Variants in GRM1 observed in about 807,000 individuals in gnomAD.
GRM1 encodes the protein glutamate metabotropic receptor 1.
GRM1 carries 33 observed loss-of-function variants against 90.9 expected under a neutral mutation model. The ratio of observed to expected loss-of-function variants is 0.36; its 90% CI spans 0.28 to 0.49. GRM1 has a LOEUF of 0.49. Among genes scored for constraint, GRM1 ranks in the 20% least tolerant of loss-of-function variants. GRM1 has a pLI of 0.99. For missense variants in GRM1, 1,190 were observed against 1,534.3 expected (o/e 0.78, Z 3.75); for synonymous variants, 700 against 613.2 (o/e 1.14, Z -2.09).
At chr6:146,071,481 G>A (rs994010605) in intron 1 of GRM1, among the ~76,000 whole-genome samples, 3 of 152,084 alleles carry the variant, frequency 2.0e-5, no homozygotes, top group Non-Finnish European at 4.4e-5. Flanking sequence ...CACTTACTTA[G>A]GCAGTTTTAC....
intron 2 of GRM1, among the ~76,000 whole-genome samples, chr6:146,227,995 G>A (rs1780308318): frequency 6.6e-6 from 1 of 152,080 alleles, no homozygotes; most frequent in South Asian, 2.1e-4. Context: ...GCGAGACCAC[G>A]ATTGAAACAC....
intron 2 of GRM1, among the ~76,000 whole-genome samples, chr6:146,186,029 A>C (rs1279419709): frequency 6.7e-6 from 1 of 150,132 alleles, no homozygotes; most frequent in Non-Finnish European, 1.5e-5. Context: ...GCTCACTACA[A>C]CCTACACTTC....
chr6:146,066,673 A>C (rs988314181), intron 1 of GRM1, among the ~76,000 whole-genome samples: 9 of 152,172 alleles, frequency 5.9e-5, no homozygotes, highest in African/African-American at 2.2e-4. Context: ...TTCCACCAAC[A>C]GTGTAAATGT....
At chr6:146,186,093 TG>T (rs973769508) in intron 2 of GRM1, among the ~76,000 whole-genome samples, 58 of 134,240 alleles carry the variant, frequency 4.3e-4, no homozygotes, top group African/African-American at 1.4e-3. Context: ...GAATTACAGC[TG>T]GTTTTTTTTT....
At chr6:146,340,037 G>A (rs1478801278) in intron 3 of GRM1, among the ~76,000 whole-genome samples, 8 of 152,270 alleles carry the variant, frequency 5.3e-5, no homozygotes, top group South Asian at 4.2e-4. Context: ...GACGTACCTG[G>A]TGACTATGAC....
At chr6:146,082,307 C>A (rs115136492) in intron 1 of GRM1, among the ~76,000 whole-genome samples, 1,879 of 152,204 alleles carry the variant, frequency 0.012, 39 homozygotes, top group African/African-American at 0.043. Context: ...AGGCACCCAC[C>A]ACCATGCTGA....
intron 6 of GRM1, among the ~76,000 whole-genome samples, chr6:146,393,863 C>G (rs569157947): frequency 1.4e-4 from 22 of 152,236 alleles, no homozygotes; most frequent in Non-Finnish European, 1.9e-4. Flanking sequence ...TGACTTCAAA[C>G]TATACTACAA....
chr6:146,030,189 G>A lies in GRM1; in HGVS notation c.672G>A (p.Trp224Ter). Residue 224 changes from tryptophan (W) to a stop codon, truncating the protein, a stop_gained, in exon 1 of 8, where the codon TGG (tryptophan) becomes TGA (stop). Coordinates refer to ENST00000282753, the MANE Select transcript of GRM1 (RefSeq NM_001278064.2). LOFTEE classifies it high-confidence loss of function. ...AMLDIVKRYN[W>*]TYVSAVHTEG... ...TTGACATAGTCAAACGTTACAATTG[G>A]ACCTATGTCTCTGCAGTCCACACGG... is the stretch of plus-strand genomic sequence containing the variant. The A allele has an allele frequency of 6.2e-7, 1 of 1,613,438 alleles. No individual in the cohort carries two copies. Among genetic ancestry groups the A allele is most frequent in the South Asian group, 1.1e-5 (1 of 91,046 alleles).
chr6:146,166,531 G>A (rs567615693), intron 2 of GRM1, among the ~76,000 whole-genome samples: 5 of 152,150 alleles, frequency 3.3e-5, no homozygotes, highest in African/African-American at 1.2e-4. Context: ...AATAGTAGTC[G>A]GAGTAGTAAA....
intron 1 of GRM1, among the ~76,000 whole-genome samples, chr6:146,124,571 A>G (rs1364295597): frequency 6.6e-6 from 1 of 152,180 alleles, no homozygotes; most frequent in African/African-American, 2.4e-5. Context: ...GGCAACAATT[A>G]TCTTCATGAT....
At chr6:146,088,063 T>C (rs1776603415) in intron 1 of GRM1, among the ~76,000 whole-genome samples, 1 of 152,146 alleles carries the variant, frequency 6.6e-6, no homozygotes, top group East Asian at 1.9e-4. Context: ...CCACTAGAAA[T>C]ATGAATGATA....
chr6:146,326,359 TGTTCTCACTCATAAGTGG>T (rs1460698401), intron 3 of GRM1, among the ~76,000 whole-genome samples: 1 of 152,156 alleles, frequency 6.6e-6, no homozygotes, highest in African/African-American at 2.4e-5. Context: ...AAATACCACA[TGTTCTCACTCATAAGTGG>T]GAGCTAAATG....
chr6:146,137,501 C>G (rs1213969803), intron 1 of GRM1, among the ~76,000 whole-genome samples: 1 of 152,274 alleles, frequency 6.6e-6, no homozygotes, highest in East Asian at 1.9e-4. Context: ...TCTGGATTCT[C>G]TATTCTGTTA....
chr6:146,355,059 T>C (rs1158471615), intron 4 of GRM1, among the ~76,000 whole-genome samples: 1 of 152,228 alleles, frequency 6.6e-6, no homozygotes, highest in Admixed American at 6.5e-5. Flanking sequence ...CTTTGGAAAC[T>C]GATTTAAAGG....
chr6:146,337,251 T>C (rs1015995613), intron 3 of GRM1, among the ~76,000 whole-genome samples: 1 of 152,184 alleles, frequency 6.6e-6, no homozygotes, highest in Non-Finnish European at 1.5e-5. Context: ...CCAGTCTCTC[T>C]CATGTCCCAG....
At chr6:146,417,128 T>C (rs1356273638) in intron 7 of GRM1, among the ~76,000 whole-genome samples, 2 of 152,152 alleles carry the variant, frequency 1.3e-5, no homozygotes, top group East Asian at 1.9e-4. Context: ...GGATTCTTAG[T>C]CTGTTGTCCT....
rs139285388 is a variant in GRM1 at position 146,393,350 on chromosome 6, G to A, written c.1730-5419G>A. 3.9e-3 allele frequency among the ~76,000 whole-genome samples: 590 copies of A among 151,974 alleles called. 2 individuals carry two copies. Among genetic ancestry groups the A allele is most frequent in the African/African-American group, 0.014 (569 of 41,452 alleles). On this transcript the variant is annotated intron_variant, in intron 6 of 7. Coordinates refer to ENST00000282753, the MANE Select transcript of GRM1 (RefSeq NM_001278064.2). Reference sequence around the variant, plus strand: ...GTCTTCTTTTGAGAAGTTTCTGTTCGTATCCTTTGACCAATTTTTGATGCA... The same window carrying A: ...GTCTTCTTTTGAGAAGTTTCTGTTCATATCCTTTGACCAATTTTTGATGCA...
intron 1 of GRM1, among the ~76,000 whole-genome samples, chr6:146,087,022 A>G (rs755354340): frequency 6.6e-6 from 1 of 152,108 alleles, no homozygotes; most frequent in Non-Finnish European, 1.5e-5. Flanking sequence ...CTTTCGTCTG[A>G]AATTCTAAGA....
rs183917371 is a variant in GRM1 at position 146,273,613 on chromosome 6, G to A, written c.951-30998G>A. On this transcript the variant is annotated intron_variant, in intron 2 of 7. Transcript: ENST00000282753. ...CTAAGTGATGCCTAGGGCTTAAGAT[G>A]CACCATTCTTACAGAGTTACAATAG... Among the ~76,000 whole-genome samples the A allele has an allele frequency of 4.1e-3, 628 of 152,268 alleles. 2 individuals carry two copies. Among genetic ancestry groups the A allele is most frequent in the Non-Finnish European group, 7.3e-3 (496 of 68,018 alleles).
Sources: allele counts gnomAD v4.1 joint callset (sites outside exome capture counted in the v4.1 genomes callset), GRCh38; gene constraint gnomAD v4.1.1; transcripts MANE v1.5; gene names NCBI Gene and HGNC (gene_info 2026-07-23, HGNC 2026-07-21).